The following COP1 variants were observed in gnomAD, a reference collection of about 807,000 sequenced individuals.
The protein encoded by COP1 is E3 ubiquitin-protein ligase COP1.
Under a neutral mutation model 101.3 loss-of-function variants are expected in COP1, and 24 were observed. The observed-to-expected ratio is 0.24, with a 90% CI of 0.17 to 0.33. The LOEUF is 0.33. Ranked by LOEUF, COP1 falls within the 10% of genes least tolerant of loss-of-function variation. The pLI is 1.00. For synonymous variants in COP1, 347 were observed against 341.9 expected, an observed-to-expected ratio of 1.01 and a Z score of -0.17; for missense variants, 663 against 906.2, an observed-to-expected ratio of 0.73 and a Z score of 3.45.
At chr1:176,037,855 A>G (rs1669848425) in intron 14 of COP1, among the ~76,000 whole-genome samples, 1 of 152,158 alleles carries the variant, frequency 6.6e-6, no homozygotes. Flanking sequence ...AAGCTGCAAG[A>G]TTTCCCCCTA....
At chr1:176,124,888 C>T (rs1268855209) in intron 8 of COP1, among the ~76,000 whole-genome samples, 1 of 152,170 alleles carries the variant, frequency 6.6e-6, no homozygotes, top group African/African-American at 2.4e-5. Context: ...CCACCAGCAC[C>T]ATACAAGGGT....
chr1:176,035,782 CACTT>C (rs1173352400), intron 14 of COP1, among the ~76,000 whole-genome samples: 1 of 145,120 alleles, frequency 6.9e-6, no homozygotes, highest in East Asian at 2.0e-4. Context: ...TTTGATCTGA[CACTT>C]ACAGAACACT....
At chr1:176,032,233 G>C (rs1668760002) in intron 14 of COP1, among the ~76,000 whole-genome samples, 1 of 152,090 alleles carries the variant, frequency 6.6e-6, no homozygotes, top group Non-Finnish European at 1.5e-5. Context: ...AAGGGAGAGT[G>C]CTATTTCAAC....
intron 10 of COP1, among the ~76,000 whole-genome samples, chr1:176,084,203 G>A (rs904942597): frequency 6.6e-6 from 1 of 152,084 alleles, no homozygotes; most frequent in Admixed American, 6.6e-5. Context: ...TGCAGGTATT[G>A]GGCTACTTTC....
chr1:176,207,012 G>T lies in COP1; in HGVS notation c.-34C>A. On this transcript the variant is annotated 5_prime_UTR_variant, in exon 1 of 20. Coordinates refer to ENST00000367669, the MANE Select transcript of COP1 (RefSeq NM_022457.7). ...CCTCCCCTCCAGCCGGGCGCTCGGA[G>T]GAGAGGGACCGCGACCTCGACCCTC... The T allele has an allele frequency of 7.3e-7, 1 of 1,363,988 alleles. No individual in the cohort carries two copies. Among genetic ancestry groups the T allele is most frequent in the East Asian group, 3.1e-5 (1 of 32,356 alleles). The allele number at this position is 1,363,988 out of a possible 1,614,324, so 84.5% of individuals were successfully genotyped here. A position where few individuals can be genotyped will look rare whatever the true frequency, so the allele number is the denominator to read the frequency against.
chr1:176,133,930 TC>T (rs1689377249), intron 8 of COP1: 1 of 442,448 alleles, frequency 2.3e-6, no homozygotes, highest in Non-Finnish European at 4.5e-6. Context: ...ACAGACCAAG[TC>T]ATTCTCAAAT....
chr1:176,036,259 G>A (rs1293699937), intron 14 of COP1, among the ~76,000 whole-genome samples: 7 of 151,804 alleles, frequency 4.6e-5, no homozygotes, highest in Non-Finnish European at 7.4e-5. Context: ...AACTAGAAAG[G>A]GGAGGAAATT....
chr1:176,016,173 T>G (rs1416741034), intron 15 of COP1, among the ~76,000 whole-genome samples: 1 of 152,038 alleles, frequency 6.6e-6, no homozygotes, highest in Admixed American at 6.6e-5. Context: ...AGAGTGGAAT[T>G]GAGATAACTA....
chr1:176,133,061 C>T (rs1186013170), intron 8 of COP1, among the ~76,000 whole-genome samples: 1 of 130,976 alleles, frequency 7.6e-6, no homozygotes, highest in Non-Finnish European at 1.6e-5. Context: ...CACACATATA[C>T]ACATATGTAC....
chr1:176,187,345 CAT>C (rs892288614), intron 1 of COP1, among the ~76,000 whole-genome samples: 8 of 151,914 alleles, frequency 5.3e-5, no homozygotes, highest in East Asian at 1.9e-4. Flanking sequence ...TATATACACA[CAT>C]ATATATACAC....
chr1:176,074,802 A>AG (rs1448984966), intron 11 of COP1, among the ~76,000 whole-genome samples: 1 of 152,098 alleles, frequency 6.6e-6, no homozygotes, highest in Non-Finnish European at 1.5e-5. Flanking sequence ...AAAAAAAAAA[A>AG]AAAAGATTAT....
intron 14 of COP1, among the ~76,000 whole-genome samples, chr1:176,040,005 C>T (rs1376771787): frequency 6.6e-5 from 10 of 152,052 alleles, no homozygotes; most frequent in East Asian, 3.9e-4. Flanking sequence ...AGAAAACTTA[C>T]GGGAAAACCT....
At chr1:176,152,583 G>T (rs558032234) in intron 5 of COP1, among the ~76,000 whole-genome samples, 1 of 152,124 alleles carries the variant, frequency 6.6e-6, no homozygotes, top group East Asian at 1.9e-4. Context: ...AAGTAGCTGG[G>T]ATTACACATT....
chr1:176,058,141 G>GGC lies in COP1; in HGVS notation c.1278-11818_1278-11817insGC, dbSNP rs1295432050. The stretch of plus-strand genomic sequence containing the variant: ...CGTCGGGAGGGAGGTGGGGTGGGGG[G>GGC]GGGGTCAGCCCCCGCCCGGCCAGCC... On this transcript the variant is annotated intron_variant, in intron 11 of 19. Transcript: ENST00000367669. Among the ~76,000 whole-genome samples, 2 of 140,294 alleles carry GGC rather than the reference G, an allele frequency of 1.4e-5. 1 individual carries two copies. Among genetic ancestry groups the GGC allele is most frequent in the Non-Finnish European group, 3.2e-5 (2 of 63,136 alleles). The allele number at this position is 140,294 out of a possible 152,430, so 92.0% of individuals were successfully genotyped here. A position where few individuals can be genotyped will look rare whatever the true frequency, so the allele number is the denominator to read the frequency against.
intron 9 of COP1, among the ~76,000 whole-genome samples, chr1:176,102,950 C>T (rs1572247044): frequency 6.6e-6 from 1 of 152,144 alleles, no homozygotes; most frequent in African/African-American, 2.4e-5. Flanking sequence ...CACTGGACTT[C>T]CCCCACCCAC....
intron 6 of COP1, among the ~76,000 whole-genome samples, chr1:176,136,766 T>C (rs1367198220): frequency 6.6e-6 from 1 of 152,180 alleles, no homozygotes; most frequent in African/African-American, 2.4e-5. Context: ...AACACAATGT[T>C]GTACTTCTTT....
intron 2 of COP1, among the ~76,000 whole-genome samples, chr1:176,176,313 T>C (rs537543382): frequency 7.9e-5 from 12 of 152,174 alleles, no homozygotes; most frequent in Non-Finnish European, 1.5e-4. Flanking sequence ...CCAGAAAAGC[T>C]AATGCCTACA....
At chr1:176,063,813 A>G (rs917691426) in intron 11 of COP1, among the ~76,000 whole-genome samples, 4 of 152,222 alleles carry the variant, frequency 2.6e-5, no homozygotes, top group African/African-American at 9.6e-5. Flanking sequence ...AGAACTTGTT[A>G]TTATGTAAAT....
At chr1:176,164,343 A>G (rs1694773508) in intron 3 of COP1, among the ~76,000 whole-genome samples, 1 of 152,182 alleles carries the variant, frequency 6.6e-6, no homozygotes, top group African/African-American at 2.4e-5. Flanking sequence ...TCCAAAAACC[A>G]TCCTACTCTT....
Sources: allele counts gnomAD v4.1 joint callset (sites outside exome capture counted in the v4.1 genomes callset), GRCh38; gene constraint gnomAD v4.1.1; transcripts MANE v1.5; gene names NCBI Gene and HGNC (gene_info 2026-07-23, HGNC 2026-07-21).